Variants in CEP164 observed in about 807,000 individuals in gnomAD.
CEP164 encodes centrosomal protein of 164 kDa.
Under a neutral mutation model 182.7 loss-of-function variants are expected in CEP164, and 162 were observed. The observed-to-expected ratio is 0.89, with a 90% CI of 0.78 to 1.01. CEP164 has a LOEUF of 1.01. Among genes scored for constraint, CEP164 ranks in the 50% least tolerant of loss-of-function variants. The pLI is 0.00. For missense variants in CEP164, 1,735 were observed against 1,790.4 expected, an observed-to-expected ratio of 0.97 and a Z score of 0.56; for synonymous variants, 661 against 690.0, an observed-to-expected ratio of 0.96 and a Z score of 0.66.
intron 5 of CEP164, among the ~76,000 whole-genome samples, chr11:117,358,402 A>AAT (rs4018864): frequency 0.22 from 32,899 of 151,942 alleles, 3,701 homozygotes; most frequent in African/African-American, 0.27. Context: ...AGGAGTCTGT[A>AAT]TTTCCATAAA....
At chr11:117,336,906 C>G (rs574704053) in intron 2 of CEP164, among the ~76,000 whole-genome samples, 2 of 151,812 alleles carry the variant, frequency 1.3e-5, no homozygotes, top group African/African-American at 4.8e-5. Flanking sequence ...GTTTCCCAGG[C>G]GACTTCCTTC....
At position 117,394,614 on chromosome 11, in the gene CEP164, T is replaced by A; in HGVS notation, c.2760+121T>A. 7.7e-7 allele frequency: 1 copy of A among 1,303,926 alleles called. No homozygotes were observed. The highest frequency in any genetic ancestry group is 1.0e-6 in the Non-Finnish European group (1 of 956,418). The allele number at this position is 1,303,926 out of a possible 1,614,324, so 80.8% of individuals were successfully genotyped here. On this transcript the variant is annotated intron_variant, in intron 21 of 32. Transcript: ENST00000278935. This position sits in a 1 kb window ranked among gnomAD's most constrained non-coding sequence, Gnocchi z 4.0. ...TGACAGCTTCTGGAGTGAGAGTCTC[T>A]CACTGGCCATCTCCAAGCTGGGGCA...
At chr11:117,331,553 G>A (rs1025185835) in intron 1 of CEP164, among the ~76,000 whole-genome samples, 32 of 152,170 alleles carry the variant, frequency 2.1e-4, no homozygotes, top group African/African-American at 7.2e-4. Flanking sequence ...GCTGAGAGAG[G>A]TGAAGCACCT....
chr11:117,325,140 G>A (rs747283004), upstream of CEP164, among the ~76,000 whole-genome samples: 11 of 151,788 alleles, frequency 7.2e-5, no homozygotes, highest in Admixed American at 2.0e-4. Flanking sequence ...GCTGGAGTGC[G>A]GTGGCGTGAT....
intron 7 of CEP164, among the ~76,000 whole-genome samples, 185 bp downstream of exon 7, chr11:117,362,723 C>T (rs1002062158): frequency 1.3e-5 from 2 of 151,804 alleles, no homozygotes; most frequent in Middle Eastern, 3.5e-3. Context: ...CTATCCATTT[C>T]TTTTTTTTTC....
At chr11:117,398,464 G>C (rs1216390770) in intron 27 of CEP164, among the ~76,000 whole-genome samples, 1 of 152,200 alleles carries the variant, frequency 6.6e-6, no homozygotes, top group African/African-American at 2.4e-5. Context: ...GCCCCAGTAG[G>C]GACTTTGTGT....
At chr11:117,385,524 C>T (rs2043848492) in intron 14 of CEP164, 1 of 152,264 alleles carries the variant, frequency 6.6e-6, no homozygotes, top group Admixed American at 6.5e-5. Context: ...CATCTTTCCA[C>T]AGCATTATCC....
intron 27 of CEP164, among the ~76,000 whole-genome samples, chr11:117,406,714 C>A (rs2046716971): frequency 2.0e-5 from 3 of 152,216 alleles, no homozygotes; most frequent in Admixed American, 2.0e-4. Flanking sequence ...GCAGATACTT[C>A]ATTATTATTA....
rs986339743 is a variant in CEP164, at chr11:117,387,477, C to A, written c.1934+65C>A. 4.0e-6 allele frequency: 6 copies of A among 1,513,556 alleles called. No homozygotes were observed. The East Asian group carries it at 6.9e-5, about 17-fold the overall frequency. 93.8% of individuals were successfully genotyped at this position (1,513,556 alleles called of 1,614,324 possible). On this transcript the variant is annotated intron_variant, in intron 15 of 32. Coordinates refer to ENST00000278935, the MANE Select transcript of CEP164 (RefSeq NM_014956.5). The stretch of plus-strand genomic sequence containing the variant: ...CAGGGATGTGAGGAGCCAGGGACAC[C>A]CTCTTAGCCTGGGGACCACTGGGAT...
At chr11:117,396,748 C>T (rs896548420) in intron 26 of CEP164, 137 bp downstream of exon 26, 29 of 759,446 alleles carry the variant, frequency 3.8e-5, no homozygotes, top group Admixed American at 2.8e-4. Context: ...GGGAAGGCTC[C>T]GGAGGATTAA....
At chr11:117,410,097 C>A in intron 30 of CEP164, 132 bp downstream of exon 30, 1 of 867,318 alleles carries the variant, frequency 1.2e-6, no homozygotes, top group Non-Finnish European at 1.9e-6. Flanking sequence ...ACCTCTCCTC[C>A]CCCAACGTTA....
Position 117,363,486 on chromosome 11 carries a change from G to T in CEP164, c.745G>T (p.Gly249Trp), listed in dbSNP as rs373565225. Reference sequence around the variant, plus strand: ...CCTACACCTGGACATTGGGGCACTGGGGGGTGACTTTGAGTATGAGGTAAG... The same window carrying T: ...CCTACACCTGGACATTGGGGCACTGTGGGGTGACTTTGAGTATGAGGTAAG... ...RNLHLDIGAL[G>W]GDFEYEESLR... is the part of the protein sequence containing the mutation. Residue 249 changes from glycine to tryptophan, a missense_variant, in exon 8 of 33, where the codon GGG (glycine) becomes TGG (tryptophan). Coordinates refer to ENST00000278935, the MANE Select transcript of CEP164 (RefSeq NM_014956.5). 2.5e-6 allele frequency: 4 copies of T among 1,613,766 alleles called. No homozygotes were observed. Among genetic ancestry groups the T allele is most frequent in the African/African-American group, 1.3e-5 (1 of 74,918 alleles).
rs1330020570 is a variant in CEP164, at chr11:117,395,615, C to G, written c.2982C>G (p.Asn994Lys). 2 of 1,613,852 alleles carry G rather than the reference C, an allele frequency of 1.2e-6. No homozygotes were observed. Among genetic ancestry groups the G allele is most frequent in the Non-Finnish European group, 8.5e-7 (1 of 1,180,004 alleles). Reference sequence around the variant, plus strand: ...AGCACACCCACCTGTTGCAGTCAAACCAGCAGCTCCGAGAAATTCTTGATG... The same window carrying G: ...AGCACACCCACCTGTTGCAGTCAAAGCAGCAGCTCCGAGAAATTCTTGATG... ...QKEHTHLLQS[N>K]QQLREILDEL... Residue 994 changes from asparagine (N) to lysine (K), a missense_variant, in exon 24 of 33, where the codon AAC becomes AAG. Physicochemically the swap from Asn to Lys is moderately conservative, Grantham distance 94 (BLOSUM62 0). Coordinates refer to ENST00000278935, the MANE Select transcript of CEP164 (RefSeq NM_014956.5).
At chr11:117,352,119 C>T (rs545038085) in intron 5 of CEP164, 131 bp downstream of exon 5, 4 of 765,300 alleles carry the variant, frequency 5.2e-6, no homozygotes, top group Non-Finnish European at 8.3e-6. Flanking sequence ...GATAGTATAT[C>T]ATCTAAACTT....
At chr11:117,326,421 C>T (rs573774159), upstream of CEP164, among the ~76,000 whole-genome samples, 19 of 149,926 alleles carry the variant, frequency 1.3e-4, no homozygotes, top group African/African-American at 3.9e-4. Flanking sequence ...TTAGTAGAGA[C>T]GGGGTTTCAT....
chr11:117,336,752 C>G (rs2037194664), intron 2 of CEP164: 1 of 626,784 alleles, frequency 1.6e-6, no homozygotes, highest in South Asian at 1.9e-5. Context: ...CTTGCTGCTC[C>G]AGGAGGAACA....
At chr11:117,380,400 C>G (rs1161840314) in intron 11 of CEP164, among the ~76,000 whole-genome samples, 1 of 152,164 alleles carries the variant, frequency 6.6e-6, no homozygotes, top group African/African-American at 2.4e-5. Flanking sequence ...CCCCAGGCCT[C>G]AAGGCTGACC....
chr11:117,375,670 AGAG>A, intron 10 of CEP164, 35 bp from the exon 11 acceptor site: 2 of 1,591,742 alleles, frequency 1.3e-6, no homozygotes, highest in Non-Finnish European at 1.7e-6. Flanking sequence ...TGACTGTGAC[AGAG>A]GCAGAGTTGA....
At chr11:117,399,388 G>A (rs866929832) in intron 27 of CEP164, among the ~76,000 whole-genome samples, 1 of 152,148 alleles carries the variant, frequency 6.6e-6, no homozygotes, top group Non-Finnish European at 1.5e-5. Flanking sequence ...TATCATTGAT[G>A]GGCATTTGGG....
Sources: allele counts gnomAD v4.1 joint callset (sites outside exome capture counted in the v4.1 genomes callset), GRCh38; gene constraint gnomAD v4.1.1; non-coding constraint Gnocchi (gnomAD v3.1); transcripts MANE v1.5; gene names NCBI Gene and HGNC (gene_info 2026-07-23, HGNC 2026-07-21).